Variants in VDR observed in about 807,000 individuals in gnomAD.
The protein encoded by VDR is vitamin D receptor.
A neutral mutation model predicts 39.7 loss-of-function variants in VDR; 19 were observed. The ratio of observed to expected loss-of-function variants is 0.48; its 90% CI spans 0.33 to 0.70. The LOEUF is 0.70. Ranked by LOEUF, VDR falls within the 30% of genes least tolerant of loss-of-function variation. The pLI is 0.02. For synonymous variants in VDR, 242 were observed against 215.8 expected, an observed-to-expected ratio of 1.12 and a Z score of -1.07; for missense variants, 442 against 570.5, an observed-to-expected ratio of 0.77 and a Z score of 2.29.
chr12:47,886,289 T>C lies in VDR; in HGVS notation c.-83-3515A>G, dbSNP rs549489893. The stretch of plus-strand genomic sequence containing the variant: ...CCTTGTCTTGCTATTTTTCGTTTCA[T>C]CATCCATTAAACTCTGCCCCATCGA... On this transcript the variant is annotated intron_variant, in intron 1 of 9. Coordinates refer to ENST00000549336, the MANE Select transcript of VDR (RefSeq NM_000376.3). 2.8e-4 allele frequency among the ~76,000 whole-genome samples: 43 copies of C among 152,352 alleles called. 1 individual carries two copies. In the South Asian group the frequency reaches 8.7e-3, roughly 31 times the overall value.
At chr12:47,854,508 G>GA (rs1945445257) in intron 7 of VDR, among the ~76,000 whole-genome samples, 1 of 152,210 alleles carries the variant, frequency 6.6e-6, no homozygotes, top group Non-Finnish European at 1.5e-5. Context: ...AGGATTCCTA[G>GA]ACTGTTTCAC....
chr12:47,872,468 C>T (rs1047182324), intron 3 of VDR, among the ~76,000 whole-genome samples: 4 of 152,198 alleles, frequency 2.6e-5, no homozygotes, highest in African/African-American at 4.8e-5. Flanking sequence ...ATGTCTTAGG[C>T]CTGCTCTCTG....
chr12:47,882,847 G>T, intron 1 of VDR, 73 bp from the exon 2 acceptor site: 1 of 1,224,622 alleles, frequency 8.2e-7, no homozygotes, highest in Non-Finnish European at 1.1e-6. Context: ...AAGGAAGTGG[G>T]CACGAGAGGC....
At chr12:47,883,406 A>C (rs564625860) in intron 1 of VDR, among the ~76,000 whole-genome samples, 1 of 152,142 alleles carries the variant, frequency 6.6e-6, no homozygotes, top group African/African-American at 2.4e-5. Flanking sequence ...ACAGCAAAGC[A>C]TTGCTTTCAA....
rs1256299539 is a variant in VDR, at chr12:47,857,138, T to C, written c.574A>G (p.Thr192Ala). The C allele has an allele frequency of 1.2e-6, 2 of 1,614,018 alleles. No individual in the cohort carries two copies. The highest frequency in any genetic ancestry group is 3.3e-5 in the Admixed American group (2 of 60,020). Reference protein sequence around the residue: ...SSSSCSDHCITSSDMMDSSSF... With the variant: ...SSSSCSDHCIASSDMMDSSSF... ...CTGAAGTCCTGCTTACCTGAAGAGG[T>C]GATACAGTGATCTGAGCAGGAGGAG... Residue 192 changes from threonine (T) to alanine (A), a missense_variant, in exon 6 of 10, where the codon ACC (threonine) becomes GCC (alanine). By Grantham distance (58) the Thr-to-Ala change is moderately conservative. Transcript: ENST00000549336.
In VDR at chr12:47,844,825, C is replaced by T; in HGVS notation, c.1205G>A (p.Arg402His). 1.2e-6 allele frequency: 2 copies of T among 1,614,172 alleles called. No homozygotes were observed. Among genetic ancestry groups the T allele is most frequent in the Non-Finnish European group, 1.7e-6 (2 of 1,180,010 alleles). Residue 402 changes from arginine to histidine, a missense_variant, in exon 10 of 10, where the codon CGC becomes CAC. Around this residue, in one of 5 missense-constraint regions of VDR, gnomAD observed 173 missense variants for 252.0 expected, o/e 0.69. Coordinates refer to ENST00000549336, the MANE Select transcript of VDR (RefSeq NM_000376.3). The stretch of plus-strand genomic sequence containing the variant: ...GCACTCAGGCTGGAAGGAGAGGCAG[C>T]GGTACTGCTTGGAGTGCTCCTCATT... ...SLNEEHSKQY[R>H]CLSFQPECSM... is the part of the protein sequence containing the mutation.
intron 4 of VDR, among the ~76,000 whole-genome samples, chr12:47,858,857 G>A (rs1473070665): frequency 6.6e-6 from 1 of 152,212 alleles, no homozygotes; most frequent in Non-Finnish European, 1.5e-5. Context: ...TCAGGTAGGG[G>A]GAGGACGAGA....
chr12:47,882,341 T>G (rs546842166), intron 2 of VDR, among the ~76,000 whole-genome samples: 2 of 152,262 alleles, frequency 1.3e-5, no homozygotes, highest in South Asian at 4.1e-4. Context: ...TCCAAGCCTC[T>G]GTGGCTTGAG....
rs1241512803 is a variant in VDR at position 47,841,952 on chromosome 12, T to C, written c.*2794A>G. The stretch of plus-strand genomic sequence containing the variant: ...TCTCATTCTAAAGTAGAATCGATGA[T>C]GACCTTTTCTCCCCGTTCAGCCCCA... On this transcript the variant is annotated 3_prime_UTR_variant, in exon 10 of 10. Transcript: ENST00000549336. 6.6e-6 allele frequency: 1 copy of C among 152,384 alleles called. No individual in the cohort carries two copies. Among genetic ancestry groups the C allele is most frequent in the Non-Finnish European group, 1.5e-5 (1 of 68,034 alleles). The allele number at this position is 152,384 out of a possible 1,614,324, so 9.4% of individuals were successfully genotyped here.
At chr12:47,886,882 C>T (rs4760648) in intron 1 of VDR, among the ~76,000 whole-genome samples, 71,902 of 152,022 alleles carry the variant, frequency 0.47, 17,282 homozygotes, top group Admixed American at 0.57. Flanking sequence ...ACAGATGGAA[C>T]AGCACCCCAT....
At chr12:47,882,949 T>G (rs1946186613) in intron 1 of VDR, 175 bp from the exon 2 acceptor site, 1 of 551,844 alleles carries the variant, frequency 1.8e-6, no homozygotes, top group Non-Finnish European at 3.1e-6. Flanking sequence ...GGCAGGGGTG[T>G]GGGGGTGGCG....
chr12:47,850,017 A>T (rs1945355243), intron 7 of VDR, among the ~76,000 whole-genome samples: 1 of 151,892 alleles, frequency 6.6e-6, no homozygotes, highest in African/African-American at 2.4e-5. Context: ...CACCTGGCTA[A>T]TTTTTCTATT....
chr12:47,904,849 T>TAA (rs1946641107), intron 1 of VDR, 106 bp downstream of exon 1: 1 of 433,044 alleles, frequency 2.3e-6, no homozygotes, highest in African/African-American at 2.0e-5. Flanking sequence ...CGCTGAGACT[T>TAA]AGACTCTAAT....
intron 1 of VDR, among the ~76,000 whole-genome samples, chr12:47,899,179 G>C (rs1946515711): frequency 6.6e-6 from 1 of 152,212 alleles, no homozygotes; most frequent in Admixed American, 6.5e-5. Context: ...TCAGGTGCCA[G>C]GACAGCCATT....
chr12:47,876,106 C>A (rs1164617357), intron 3 of VDR, among the ~76,000 whole-genome samples: 2 of 152,214 alleles, frequency 1.3e-5, no homozygotes, highest in African/African-American at 4.8e-5. Context: ...GAATTTTTCA[C>A]TGCTCTGCAC....
intron 9 of VDR, among the ~76,000 whole-genome samples, chr12:47,845,220 C>T (rs902395463): frequency 2.0e-5 from 3 of 151,920 alleles, no homozygotes; most frequent in Non-Finnish European, 2.9e-5. Context: ...CTTCCATGGG[C>T]GCACCTGGCC....
intron 3 of VDR, among the ~76,000 whole-genome samples, chr12:47,873,914 T>TG (rs1338647992): frequency 1.3e-5 from 2 of 152,158 alleles, no homozygotes; most frequent in Non-Finnish European, 2.9e-5. Flanking sequence ...TTTGGAAGTG[T>TG]GGGGTCACAT....
chr12:47,895,542 G>A (rs1351572690), intron 1 of VDR, among the ~76,000 whole-genome samples: 1 of 152,124 alleles, frequency 6.6e-6, no homozygotes, highest in Non-Finnish European at 1.5e-5. Flanking sequence ...GTACCTTCTA[G>A]TACGTTAGTA....
intron 4 of VDR, 68 bp from the exon 5 acceptor site, chr12:47,857,756 T>C (rs921245742): frequency 6.4e-7 from 1 of 1,570,788 alleles, no homozygotes; most frequent in East Asian, 2.2e-5. Flanking sequence ...CCTCCTGCGG[T>C]TGGGGGTAAA....
Sources: allele counts gnomAD v4.1 joint callset (sites outside exome capture counted in the v4.1 genomes callset), GRCh38; gene constraint gnomAD v4.1.1; regional missense constraint gnomAD v4.1.1; transcripts MANE v1.5; gene names NCBI Gene and HGNC (gene_info 2026-07-23, HGNC 2026-07-21).